The following CLPB variants were observed in gnomAD, a reference collection of about 807,000 sequenced individuals.
CLPB encodes the protein ClpB family mitochondrial disaggregase.
Under a neutral mutation model 78.4 loss-of-function variants are expected in CLPB, and 40 were observed. That is an observed-to-expected ratio of 0.51 (90% CI 0.40 to 0.66). The LOEUF (loss-of-function observed/expected upper bound fraction) is 0.66. Among genes scored for constraint, CLPB ranks in the 30% least tolerant of loss-of-function variants. The pLI is 0.00. For synonymous variants in CLPB, 333 were observed against 348.0 expected, an observed-to-expected ratio of 0.96 and a Z score of 0.48; for missense variants, 780 against 886.9, an observed-to-expected ratio of 0.88 and a Z score of 1.53.
chr11:72,356,065 T>G (rs984439497), intron 5 of CLPB, among the ~76,000 whole-genome samples: 3 of 152,062 alleles, frequency 2.0e-5, no homozygotes, highest in African/African-American at 4.8e-5. Flanking sequence ...GCGGATCACC[T>G]GAGATCGGGA....
At chr11:72,428,737 AAGCCCCCCC>A (rs1856460415) in intron 2 of CLPB, 1 of 152,242 alleles carries the variant, frequency 6.6e-6, no homozygotes, top group African/African-American at 2.4e-5. Context: ...CACACATGAA[AAGCCCCCCC>A]AGACACTATC....
At chr11:72,321,163 T>C (rs946726501) in intron 6 of CLPB, among the ~76,000 whole-genome samples, 1 of 152,150 alleles carries the variant, frequency 6.6e-6, no homozygotes, top group African/African-American at 2.4e-5. Context: ...AATACTATTG[T>C]TCCTGTCTTT....
chr11:72,296,164 A>G (rs1590756100), intron 11 of CLPB, among the ~76,000 whole-genome samples: 1 of 152,210 alleles, frequency 6.6e-6, no homozygotes, highest in South Asian at 2.1e-4. Context: ...GGTACTTTAC[A>G]TGGCTACTGT....
intron 3 of CLPB, among the ~76,000 whole-genome samples, chr11:72,395,700 G>T (rs188564641): frequency 9.2e-5 from 14 of 152,304 alleles, no homozygotes; most frequent in African/African-American, 3.4e-4. Flanking sequence ...CACGAAGCCA[G>T]ACCAAGAATA....
chr11:72,348,143 A>C (rs1950548256), intron 5 of CLPB, among the ~76,000 whole-genome samples: 1 of 152,222 alleles, frequency 6.6e-6, no homozygotes, highest in Admixed American at 6.5e-5. Context: ...TTGTTACAGC[A>C]GCAATAGGGA....
chr11:72,367,688 TAC>T (rs1262293907), intron 4 of CLPB, among the ~76,000 whole-genome samples: 1 of 151,938 alleles, frequency 6.6e-6, no homozygotes, highest in African/African-American at 2.4e-5. Context: ...GGATCAATTA[TAC>T]ACCACACCCC....
At chr11:72,411,392 C>T (rs1221274326) in intron 2 of CLPB, among the ~76,000 whole-genome samples, 1 of 152,208 alleles carries the variant, frequency 6.6e-6, no homozygotes, top group South Asian at 2.1e-4. Flanking sequence ...TCACAAATTC[C>T]AGTCATGGCT....
intron 3 of CLPB, among the ~76,000 whole-genome samples, chr11:72,384,482 C>A (rs58058345): frequency 1.3e-5 from 2 of 150,196 alleles, no homozygotes; most frequent in African/African-American, 4.9e-5. Context: ...CTAAAGAAAA[C>A]CACCTAATCA....
rs191389918 is a variant in CLPB, at chr11:72,293,621, G to A, written c.1786-6C>T. ...TTCACCACACGGCGTTCTACCTGTC[G>A]GTGGGGAGGTGAAGTGGTCACTCCC... is the stretch of plus-strand genomic sequence containing the variant. On this transcript the variant is annotated splice_polypyrimidine_tract_variant and splice_region_variant and intron_variant, in intron 15 of 15. Transcript: ENST00000538039. The A allele has an allele frequency of 2.6e-5, 41 of 1,607,352 alleles. No individual in the cohort carries two copies. The Middle Eastern group carries it at 5.0e-4, about 19-fold the overall frequency.
chr11:72,335,153 C>T (rs1950296626), intron 5 of CLPB, among the ~76,000 whole-genome samples: 2 of 152,062 alleles, frequency 1.3e-5, no homozygotes, highest in Admixed American at 1.3e-4. Context: ...GGTCGTGGGG[C>T]TGATGCTGAT....
intron 3 of CLPB, among the ~76,000 whole-genome samples, chr11:72,395,945 A>G (rs1230902066): frequency 6.6e-6 from 1 of 152,198 alleles, no homozygotes; most frequent in Non-Finnish European, 1.5e-5. Context: ...GGGTCCACAA[A>G]GGAAGGCCTT....
intron 3 of CLPB, among the ~76,000 whole-genome samples, chr11:72,399,378 T>C (rs550829430): frequency 6.6e-6 from 1 of 152,310 alleles, no homozygotes; most frequent in East Asian, 1.9e-4. Context: ...ATATGATTTC[T>C]GATCTTGATC....
intron 3 of CLPB, among the ~76,000 whole-genome samples, chr11:72,385,350 T>G (rs1855043841): frequency 6.6e-6 from 1 of 152,218 alleles, no homozygotes; most frequent in Non-Finnish European, 1.5e-5. Context: ...AAAGGGCTCA[T>G]GTTCACTATA....
chr11:72,360,727 G>A (rs994389237), intron 4 of CLPB, among the ~76,000 whole-genome samples: 2 of 152,126 alleles, frequency 1.3e-5, no homozygotes, highest in African/African-American at 2.4e-5. Context: ...GTGAGCCACC[G>A]CGCCCAGCCA....
intron 5 of CLPB, among the ~76,000 whole-genome samples, chr11:72,339,206 T>C (rs991524206): frequency 6.6e-6 from 1 of 152,062 alleles, no homozygotes; most frequent in Non-Finnish European, 1.5e-5. Flanking sequence ...CTAAAGCAAA[T>C]ATGATGCAAG....
rs1253254219 is a variant in CLPB at position 72,369,424 on chromosome 11, AC to A, written c.647-10417del. Among the ~76,000 whole-genome samples the A allele has an allele frequency of 2.9e-5, 4 of 139,790 alleles. No homozygotes were observed. The East Asian group carries it at 9.6e-4, about 34-fold the overall frequency. 91.7% of individuals were successfully genotyped at this position (139,790 alleles called of 152,430 possible). ...GTCACCCTCTTCCCCCTCCTCCCCC[AC>A]CCCCATCCTATCCAAAGCAGTGTTC... On this transcript the variant is annotated intron_variant, in intron 4 of 15. Transcript: ENST00000538039.
chr11:72,403,085 T>G (rs755616371), intron 2 of CLPB, 33 bp from the exon 3 acceptor site: 2 of 1,587,710 alleles, frequency 1.3e-6, no homozygotes, highest in Non-Finnish European at 1.7e-6. Context: ...TTTCAGTGTA[T>G]GGCTTGACAT....
chr11:72,342,872 G>A (rs578200897), intron 5 of CLPB, among the ~76,000 whole-genome samples: 5 of 152,264 alleles, frequency 3.3e-5, no homozygotes, highest in East Asian at 3.9e-4. Flanking sequence ...CTAATCCTAC[G>A]TCTGCTTCCA....
intron 3 of CLPB, among the ~76,000 whole-genome samples, chr11:72,383,143 T>A (rs1854967418): frequency 6.6e-6 from 1 of 150,730 alleles, no homozygotes; most frequent in African/African-American, 2.4e-5. Flanking sequence ...CAAAAATCAG[T>A]TATTTGAAAA....
Sources: allele counts gnomAD v4.1 joint callset (sites outside exome capture counted in the v4.1 genomes callset), GRCh38; gene constraint gnomAD v4.1.1; transcripts MANE v1.5; gene names NCBI Gene and HGNC (gene_info 2026-07-23, HGNC 2026-07-21).